The following SFPQ variants were observed in gnomAD, a reference collection of about 807,000 sequenced individuals.
SFPQ encodes the protein splicing factor, proline- and glutamine-rich.
SFPQ carries 11 observed loss-of-function variants against 72.9 expected under a neutral mutation model. The ratio of observed to expected loss-of-function variants is 0.15; its 90% CI spans 0.09 to 0.25. SFPQ has a LOEUF of 0.25. Ranked by LOEUF, SFPQ falls within the 10% of genes least tolerant of loss-of-function variation. The probability of loss-of-function intolerance (pLI) is 1.00; values close to 1 mark genes in which losing one functional copy is unlikely to be tolerated. For synonymous variants in SFPQ, 506 were observed against 367.3 expected (o/e 1.38, Z -4.32); for missense variants, 847 against 993.3 (o/e 0.85, Z 1.98).
intron 4 of SFPQ, among the ~76,000 whole-genome samples, chr1:35,190,021 G>C (rs1341704239): frequency 1.3e-5 from 2 of 152,136 alleles, no homozygotes; most frequent in Non-Finnish European, 2.9e-5. Context: ...AGCACTTTGA[G>C]AGGCCGAGGT....
downstream of SFPQ, chr1:35,182,628 A>T: frequency 1.0e-6 from 1 of 985,468 alleles, no homozygotes; most frequent in Non-Finnish European, 1.2e-6. Context: ...ATGTTAATAA[A>T]GGTTTGACTT....
At chr1:35,181,579 A>G (rs1263510494), downstream of SFPQ, 4 of 1,061,706 alleles carry the variant, frequency 3.8e-6, no homozygotes, top group Non-Finnish European at 4.6e-6. Flanking sequence ...TACCTATTAA[A>G]TACACTGGGG....
At chr1:35,181,521 G>A (rs1455039955), downstream of SFPQ, 21 of 1,063,110 alleles carry the variant, frequency 2.0e-5, no homozygotes, top group Non-Finnish European at 2.3e-5. Context: ...TCTAAGCAAA[G>A]AGGATTATGG....
chr1:35,180,238 GT>G, downstream of SFPQ: 1 of 1,051,282 alleles, frequency 9.5e-7, no homozygotes, highest in South Asian at 4.6e-5. Context: ...GCTAAAACCA[GT>G]TCAGAGACCA....
rs571762075 is a variant in SFPQ at position 35,183,960 on chromosome 1, C to T, written c.*496G>A. On this transcript the variant is annotated 3_prime_UTR_variant, in exon 10 of 10. Coordinates refer to ENST00000357214, the MANE Select transcript of SFPQ (RefSeq NM_005066.3). ...CAATATGCATTTCTTCTTTTTAAAA[C>T]AAAGGGGGCAATTATTTGTAGAAAG... is the stretch of plus-strand genomic sequence containing the variant. 4.8e-6 allele frequency: 5 copies of T among 1,051,684 alleles called. No homozygotes were observed. The East Asian group carries it at 2.7e-4, about 57-fold the overall frequency. 65.1% of individuals were successfully genotyped at this position (1,051,684 alleles called of 1,614,324 possible).
chr1:35,183,216 G>C lies in SFPQ; in HGVS notation c.*1240C>G, dbSNP rs1341188442. ...TGTATATATAACTAAACCTACTTCA[G>C]TACTAAACCTTTTTTTTTTTTTGAG... On this transcript the variant is annotated 3_prime_UTR_variant, in exon 10 of 10. Transcript: ENST00000357214. 1.0e-6 allele frequency: 1 copy of C among 976,648 alleles called. No homozygotes were observed. The highest frequency in any genetic ancestry group is 7.4e-5 in the East Asian group (1 of 13,592). The allele number at this position is 976,648 out of a possible 1,614,324, so 60.5% of individuals were successfully genotyped here. A position where few individuals can be genotyped will look rare whatever the true frequency, so the allele number is the denominator to read the frequency against.
rs764037727 is a variant in SFPQ, at chr1:35,187,070, G to GCCA, written c.1914_1916dup (p.Gly639dup). The GCCA allele has an allele frequency of 1.2e-6, 2 of 1,613,832 alleles. No individual in the cohort carries two copies. Among genetic ancestry groups the GCCA allele is most frequent in the Admixed American group, 1.7e-5 (1 of 59,992 alleles). On this transcript the variant is annotated inframe_insertion, in exon 9 of 10. Transcript: ENST00000357214. ...CGCCAGGATTAGCTTCATAACCTATGCCACCACCACCTCCTAGAGGTGGAA... is the reference window on the plus strand; with the variant it reads ...CGCCAGGATTAGCTTCATAACCTATGCCACCACCACCACCTCCTAGAGGTGGAA...
downstream of SFPQ, chr1:35,182,010 T>C: frequency 2.0e-6 from 2 of 985,418 alleles, no homozygotes; most frequent in Non-Finnish European, 2.4e-6. Context: ...CAGGAGATTA[T>C]CCATTAGCAT....
chr1:35,186,538 T>A (rs1473185258), intron 9 of SFPQ, among the ~76,000 whole-genome samples: 1 of 152,238 alleles, frequency 6.6e-6, no homozygotes, highest in East Asian at 1.9e-4. Flanking sequence ...CCACACCAAA[T>A]ATAGGTCAAA....
chr1:35,191,282 G>A lies in SFPQ; in HGVS notation c.1017+59C>T, dbSNP rs774568617. On this transcript the variant is annotated intron_variant, in intron 2 of 9. Transcript: ENST00000357214. ...AAAAACCAAGCCTTCAGCGTTTGTA[G>A]TGACAAAAAAATCCCCCACCCTTTT... 222 of 1,424,606 alleles carry A rather than the reference G, an allele frequency of 1.6e-4. No individual in the cohort carries two copies. In the Middle Eastern group the frequency reaches 1.7e-3, roughly 11 times the overall value. The allele number at this position is 1,424,606 out of a possible 1,614,324, so 88.2% of individuals were successfully genotyped here.
chr1:35,187,176 T>C (rs763690702), intron 8 of SFPQ, 27 bp downstream of exon 8: 19 of 1,613,902 alleles, frequency 1.2e-5, no homozygotes, highest in South Asian at 4.4e-5. Flanking sequence ...TCTCTACTTA[T>C]ATCATTAATT....
chr1:35,192,912 G>A lies in SFPQ; in HGVS notation c.138C>T (p.Pro46=), dbSNP rs760381788. ...CGCTCTGGCCCGGGCCAGGACCCATGGGGCCGCGATTCTGATTGAGGCCCA... is the reference window on the plus strand; with the variant it reads ...CGCTCTGGCCCGGGCCAGGACCCATAGGGCCGCGATTCTGATTGAGGCCCA... ...PGMGLNQNRG[P]MGPGPGQSGP... The change falls in exon 1 of 10, where the codon CCC becomes CCT. Residue 46 remains proline (P), a synonymous_variant. Transcript: ENST00000357214. 49 of 1,581,598 alleles carry A rather than the reference G, an allele frequency of 3.1e-5. No homozygotes were observed. In the South Asian group the frequency reaches 4.9e-4, roughly 16 times the overall value.
Position 35,184,122 on chromosome 1 carries a change from A to G in SFPQ, c.*334T>C, listed in dbSNP as rs1333783135. On this transcript the variant is annotated 3_prime_UTR_variant, in exon 10 of 10. Coordinates refer to ENST00000357214, the MANE Select transcript of SFPQ (RefSeq NM_005066.3). ...AATGGCAAAGTTGAAGATCAATATT[A>G]TAACTATTTTTCTATTTATTTGAAG... is the stretch of plus-strand genomic sequence containing the variant. 20 of 1,135,082 alleles carry G rather than the reference A, an allele frequency of 1.8e-5. No individual in the cohort carries two copies. The East Asian group carries it at 2.0e-4, about 11-fold the overall frequency. The allele number at this position is 1,135,082 out of a possible 1,614,324, so 70.3% of individuals were successfully genotyped here.
rs375843618 is a variant in SFPQ, at chr1:35,184,537, T to C, written c.2043A>G (p.Arg681=). The change falls in exon 10 of 10, where the codon AGA becomes AGG. Residue 681 remains arginine (R), a synonymous_variant. Transcript: ENST00000357214. ...CTGCTGGAGTTCCAGGCCCCATTCC[T>C]CTAGGACCCTGTCCACCCACAGGCC... ...GAGPVGGQGP[R]GMGPGTPAGY... is the part of the protein sequence containing the mutation. 2.6e-5 allele frequency: 42 copies of C among 1,612,924 alleles called. No homozygotes were observed. Among genetic ancestry groups the C allele is most frequent in the Non-Finnish European group, 3.4e-5 (40 of 1,179,584 alleles).
Position 35,187,258 on chromosome 1 carries a change from G to GA in SFPQ, c.1816-8dup. 6.2e-7 allele frequency: 1 copy of GA among 1,613,852 alleles called. No individual in the cohort carries two copies. Among genetic ancestry groups the GA allele is most frequent in the Non-Finnish European group, 8.5e-7 (1 of 1,179,858 alleles). Reference sequence around the variant, plus strand: ...TTCGCATGTCTCTTTCCCGCTGCAAGAAAAAAATTCCTTTCAATATACCTG... The same window carrying GA: ...TTCGCATGTCTCTTTCCCGCTGCAAGAAAAAAAATTCCTTTCAATATACCTG... On this transcript the variant is annotated splice_region_variant and splice_polypyrimidine_tract_variant and intron_variant, in intron 7 of 9. Coordinates refer to ENST00000357214, the MANE Select transcript of SFPQ (RefSeq NM_005066.3).
Position 35,192,266 on chromosome 1 carries a change from C to A in SFPQ, c.784G>T (p.Gly262Cys). The A allele has an allele frequency of 1.4e-6, 2 of 1,463,356 alleles. No individual in the cohort carries two copies. The highest frequency in any genetic ancestry group is 2.6e-5 in the South Asian group (2 of 76,874). The allele number at this position is 1,463,356 out of a possible 1,614,324, so 90.6% of individuals were successfully genotyped here. Residue 262 changes from glycine (G) to cysteine (C), a missense_variant, in exon 1 of 10, where the codon GGC (glycine) becomes TGC (cysteine). By Grantham distance (159) the Gly-to-Cys change is radical. This residue lies in a region of SFPQ where 498 missense variants were observed against 405.1 expected (regional missense o/e 1.23). Transcript: ENST00000357214. ...TCCTCGCTGCGGCCGCCGGGCCCGC[C>A]GGGCGGGGGCCCCTGGTGATGCTGC... ...HQQHHQGPPPGGPGGRSEEKI... is the reference protein window; with the variant it reads ...HQQHHQGPPPCGPGGRSEEKI...
At chr1:35,179,379 C>G, downstream of SFPQ, 9 of 1,057,234 alleles carry the variant, frequency 8.5e-6, no homozygotes, top group Non-Finnish European at 9.2e-6. Context: ...GCATTTCTTT[C>G]ATCTTTCAGA....
At chr1:35,177,014 G>C (rs962980130) in intron 5 of SFPQ, among the ~76,000 whole-genome samples, 1 of 152,112 alleles carries the variant, frequency 6.6e-6, no homozygotes, top group African/African-American at 2.4e-5. Context: ...TCAGGAGTTT[G>C]AGACCAGCCT....
In SFPQ at chr1:35,192,766, TGATGCGGCTGTG is replaced by T. The variant is rs766452780; in HGVS notation, c.272_283del (p.Pro91_His94del). 68 of 1,499,806 alleles carry T rather than the reference TGATGCGGCTGTG, an allele frequency of 4.5e-5. No individual in the cohort carries two copies. Among genetic ancestry groups the T allele is most frequent in the East Asian group, 4.0e-4 (15 of 37,482 alleles). 92.9% of individuals were successfully genotyped at this position (1,499,806 alleles called of 1,614,324 possible). A position where few individuals can be genotyped will look rare whatever the true frequency, so the allele number is the denominator to read the frequency against. On this transcript the variant is annotated inframe_deletion, in exon 1 of 10. Transcript: ENST00000357214. ...CGGCGGTGGCGGCGGCTGCTGCTGC[TGATGCGGCTGTG>T]GATGCGGCGGCGGCTGATGCGGTGG...
Sources: allele counts gnomAD v4.1 joint callset (sites outside exome capture counted in the v4.1 genomes callset), GRCh38; gene constraint gnomAD v4.1.1; regional missense constraint gnomAD v4.1.1; transcripts MANE v1.5; gene names NCBI Gene and HGNC (gene_info 2026-07-23, HGNC 2026-07-21).